GPR176: variants seen among roughly 807,000 people sequenced by gnomAD.
GPR176 encodes the protein G-protein coupled receptor 176.
A neutral mutation model predicts 35.4 loss-of-function variants in GPR176; 26 were observed. The observed-to-expected ratio is 0.74, with a 90% CI of 0.54 to 1.02. GPR176 has a LOEUF of 1.02. Ranked by LOEUF, GPR176 falls within the 50% of genes least tolerant of loss-of-function variation. The pLI, the probability that GPR176 is intolerant of heterozygous loss-of-function variation, is 0.00. For synonymous variants in GPR176, 278 were observed against 271.3 expected (o/e 1.02, Z -0.24); for missense variants, 597 against 665.3 (o/e 0.90, Z 1.13).
intron 1 of GPR176, among the ~76,000 whole-genome samples, chr15:39,873,621 C>CTTTT (rs11446640): frequency 7.1e-6 from 1 of 141,810 alleles, no homozygotes; most frequent in Non-Finnish European, 1.5e-5. Flanking sequence ...TTTTTCTTTT[C>CTTTT]TTTTTTTTTT....
chr15:39,866,251 C>T (rs2140834037), intron 1 of GPR176, among the ~76,000 whole-genome samples: 1 of 152,112 alleles, frequency 6.6e-6, no homozygotes, highest in Non-Finnish European at 1.5e-5. Flanking sequence ...GGGGTGGATG[C>T]TGTGGAAAGG....
chr15:39,881,180 A>G (rs2032462024), intron 1 of GPR176, among the ~76,000 whole-genome samples: 1 of 152,200 alleles, frequency 6.6e-6, no homozygotes, highest in Admixed American at 6.5e-5. Flanking sequence ...CATTGCACTT[A>G]GCATAATGAA....
intron 1 of GPR176, among the ~76,000 whole-genome samples, chr15:39,850,610 G>T (rs2030793834): frequency 1.3e-5 from 2 of 152,068 alleles, no homozygotes; most frequent in Admixed American, 1.3e-4. Flanking sequence ...TTATAAAAGG[G>T]CAACAGAAGG....
Position 39,835,420 on chromosome 15 carries a change from G to T in GPR176, c.173-28162C>A, listed in dbSNP as rs143143315. Among the ~76,000 whole-genome samples the T allele has an allele frequency of 7.3e-3, 1,118 of 152,124 alleles. 8 individuals are homozygous for T. Among genetic ancestry groups the T allele is most frequent in the African/African-American group, 0.026 (1,077 of 41,504 alleles). ...AACAAAAAGCAAAAGATTCAATTTT[G>T]CTAAATATAAAATAACAGCTTAAGG... On this transcript the variant is annotated intron_variant, in intron 1 of 2. Coordinates refer to ENST00000561100, the MANE Select transcript of GPR176 (RefSeq NM_007223.3).
chr15:39,825,641 A>C lies in GPR176; in HGVS notation c.173-18383T>G, dbSNP rs950779191. Among the ~76,000 whole-genome samples the C allele has an allele frequency of 2.6e-4, 39 of 152,008 alleles. 1 individual carries two copies. The highest frequency in any genetic ancestry group is 1.4e-3 in the Admixed American group (22 of 15,254). The stretch of plus-strand genomic sequence containing the variant: ...TTCATGGGTTTTTGCCATTATAAAC[A>C]AAAAAAATTGTATATAAATATGCTT... On this transcript the variant is annotated intron_variant, in intron 1 of 2. Coordinates refer to ENST00000561100, the MANE Select transcript of GPR176 (RefSeq NM_007223.3).
chr15:39,915,930 G>A (rs1023877139), intron 1 of GPR176, among the ~76,000 whole-genome samples: 1 of 152,078 alleles, frequency 6.6e-6, no homozygotes, highest in South Asian at 2.1e-4. Flanking sequence ...CATACTTGTG[G>A]GTTATTGCCC....
chr15:39,885,166 T>TA (rs1326873916), intron 1 of GPR176, among the ~76,000 whole-genome samples: 1 of 152,092 alleles, frequency 6.6e-6, no homozygotes, highest in Non-Finnish European at 1.5e-5. Flanking sequence ...CACTCTATTA[T>TA]AAAAAAACTA....
At chr15:39,917,118 C>T (rs901896367) in intron 1 of GPR176, among the ~76,000 whole-genome samples, 2 of 151,934 alleles carry the variant, frequency 1.3e-5, no homozygotes, top group African/African-American at 4.8e-5. Flanking sequence ...CCCATCTCTA[C>T]TAAAAATGCA....
intron 1 of GPR176, among the ~76,000 whole-genome samples, chr15:39,896,367 CA>C (rs1337992794): frequency 6.6e-6 from 1 of 152,196 alleles, no homozygotes; most frequent in Non-Finnish European, 1.5e-5. Context: ...AAAGCTAACC[CA>C]ACTGGCCTTC....
chr15:39,824,454 C>T (rs1900491146), intron 1 of GPR176, among the ~76,000 whole-genome samples: 1 of 152,222 alleles, frequency 6.6e-6, no homozygotes. Context: ...ACCACCAGAA[C>T]CACCAATGCA....
At chr15:39,817,788 A>C (rs1048054141) in intron 1 of GPR176, among the ~76,000 whole-genome samples, 10 of 152,240 alleles carry the variant, frequency 6.6e-5, no homozygotes, top group African/African-American at 2.2e-4. Context: ...GAGTTCAAAA[A>C]AAGGCACTGT....
At chr15:39,901,975 T>C (rs1047945011) in intron 1 of GPR176, among the ~76,000 whole-genome samples, 4 of 151,664 alleles carry the variant, frequency 2.6e-5, no homozygotes, top group African/African-American at 9.7e-5. Flanking sequence ...TCCCAGCTAC[T>C]TGGGAAGCTG....
intron 1 of GPR176, among the ~76,000 whole-genome samples, chr15:39,810,222 T>C (rs1044335637): frequency 4.3e-4 from 65 of 151,682 alleles, no homozygotes; most frequent in African/African-American, 1.5e-3. Context: ...GGAACAGACC[T>C]GCACATCCTG....
intron 1 of GPR176, among the ~76,000 whole-genome samples, chr15:39,839,683 G>T (rs867494080): frequency 6.6e-6 from 1 of 152,092 alleles, no homozygotes; most frequent in Non-Finnish European, 1.5e-5. Context: ...CCATCAGAGC[G>T]AACAGGCAAC....
rs2631699 is a variant in GPR176 at position 39,850,081 on chromosome 15, C to T, written c.173-42823G>A. Among the ~76,000 whole-genome samples, 853 of 152,208 alleles carry T rather than the reference C, an allele frequency of 5.6e-3. 7 individuals carry two copies. The highest frequency in any genetic ancestry group is 0.019 in the African/African-American group (795 of 41,524). ...ATGGTACACTTGTATAGGGCACTTA[C>T]CCTGAATGGAGTCTGCAGGACTAGA... is the stretch of plus-strand genomic sequence containing the variant. On this transcript the variant is annotated intron_variant, in intron 1 of 2. Transcript: ENST00000561100.
chr15:39,839,586 A>C (rs1901619492), intron 1 of GPR176, among the ~76,000 whole-genome samples: 1 of 152,228 alleles, frequency 6.6e-6, no homozygotes, highest in African/African-American at 2.4e-5. Context: ...TTCATGACTA[A>C]AACACCAAAA....
At chr15:39,905,880 G>A (rs923830515) in intron 1 of GPR176, among the ~76,000 whole-genome samples, 2 of 152,108 alleles carry the variant, frequency 1.3e-5, no homozygotes, top group Admixed American at 6.5e-5. Flanking sequence ...TGGAAATTTC[G>A]AGGGCAATGT....
At chr15:39,830,596 T>C (rs1901007168) in intron 1 of GPR176, among the ~76,000 whole-genome samples, 1 of 152,264 alleles carries the variant, frequency 6.6e-6, no homozygotes, top group African/African-American at 2.4e-5. Flanking sequence ...AGAATCACTT[T>C]GAAGAAAAAA....
At chr15:39,812,659 A>G (rs1400097707) in intron 1 of GPR176, among the ~76,000 whole-genome samples, 3 of 151,990 alleles carry the variant, frequency 2.0e-5, no homozygotes, top group African/African-American at 7.3e-5. Context: ...ACTCCCCTTC[A>G]TATATACATC....
Sources: gnomAD v4.1 joint callset for allele counts (sites outside exome capture counted in the v4.1 genomes callset) on GRCh38, gnomAD v4.1.1 for gene constraint, MANE v1.5 for transcripts, NCBI Gene and HGNC (gene_info 2026-07-23, HGNC 2026-07-21) for gene names.